Variants in EFHB observed in about 807,000 individuals in gnomAD.
EFHB encodes EF-hand domain-containing family member B.
A neutral mutation model predicts 87.2 loss-of-function variants in EFHB; 91 were observed. The observed-to-expected ratio is 1.04, with a 90% CI of 0.88 to 1.24. The LOEUF is 1.24. EFHB is among the 50% of genes most tolerant of loss of function. The pLI is 0.00. For synonymous variants in EFHB, 325 were observed against 333.6 expected (o/e 0.97, Z 0.28); for missense variants, 1,084 against 998.8 (o/e 1.09, Z -1.15).
intron 9 of EFHB, among the ~76,000 whole-genome samples, chr3:19,892,369 C>G (rs549184474): frequency 1.3e-5 from 2 of 152,336 alleles, no homozygotes; most frequent in African/African-American, 4.8e-5. Flanking sequence ...GCTGTTTGGT[C>G]ACTCAATGCA....
chr3:19,929,661 A>T (rs768734246), intron 1 of EFHB, among the ~76,000 whole-genome samples: 1 of 134,226 alleles, frequency 7.5e-6, no homozygotes, highest in Non-Finnish European at 1.5e-5. Flanking sequence ...GCGAGCCGAG[A>T]TGGTGCCACT....
chr3:19,935,863 A>G (rs542350385), upstream of EFHB, among the ~76,000 whole-genome samples: 6 of 152,102 alleles, frequency 3.9e-5, no homozygotes, highest in African/African-American at 1.4e-4. Context: ...TACAAAAATT[A>G]GCTGGGCCTG....
At chr3:19,934,941 C>A (rs970937494), upstream of EFHB, among the ~76,000 whole-genome samples, 4 of 151,430 alleles carry the variant, frequency 2.6e-5, no homozygotes, top group African/African-American at 9.7e-5. Context: ...GATGGAGTCT[C>A]CCTTTGTCGC....
At chr3:19,918,182 G>T in intron 4 of EFHB, 50 bp downstream of exon 4, 1 of 1,452,722 alleles carries the variant, frequency 6.9e-7, no homozygotes, top group Non-Finnish European at 9.2e-7. Context: ...ATTTTCCAAA[G>T]AGACTTATTT....
chr3:19,918,484 A>G (rs1695316567), intron 3 of EFHB, 72 bp from the exon 4 acceptor site: 2 of 1,361,974 alleles, frequency 1.5e-6, no homozygotes, highest in African/African-American at 3.0e-5. Context: ...ACCCTAATCA[A>G]TAGCTGGGGA....
chr3:19,923,253 G>GTT (rs1695501154), intron 1 of EFHB, among the ~76,000 whole-genome samples: 1 of 150,876 alleles, frequency 6.6e-6, no homozygotes, highest in Non-Finnish European at 1.5e-5. Context: ...GGCAAAAAGA[G>GTT]TGAAACTCTG....
At chr3:19,895,259 G>A (rs1406346932) in intron 9 of EFHB, among the ~76,000 whole-genome samples, 1 of 151,502 alleles carries the variant, frequency 6.6e-6, no homozygotes, top group African/African-American at 2.4e-5. Context: ...AGGCGGGTGG[G>A]TCACGAGGTC....
chr3:19,945,113 T>C (rs1429995808), intron 1 of EFHB, among the ~76,000 whole-genome samples: 1 of 152,142 alleles, frequency 6.6e-6, no homozygotes, highest in Non-Finnish European at 1.5e-5. Context: ...GAGCCAGCAG[T>C]TATGGGCAAT....
chr3:19,915,323 G>A lies in EFHB; in HGVS notation c.1268C>T (p.Ser423Phe), dbSNP rs1212605053. The change falls in exon 5 of 13, where the codon TCT (serine) becomes TTT (phenylalanine). Residue 423 changes from serine (S) to phenylalanine (F), a missense_variant. Transcript: ENST00000295824. ...CTTACCTGCATAATAATCATTGTGAGAAACAACATACAAATCATGTCCTTC... is the reference window on the plus strand; with the variant it reads ...CTTACCTGCATAATAATCATTGTGAAAAACAACATACAAATCATGTCCTTC... ...GNEGHDLYVV[S>F]HNDYYAGEAK... 3.1e-6 allele frequency: 5 copies of A among 1,612,206 alleles called. No individual in the cohort carries two copies. In the Admixed American group the frequency reaches 6.7e-5, roughly 22 times the overall value.
intron 6 of EFHB, 77 bp downstream of exon 6, chr3:19,905,543 A>G (rs1264018165): frequency 1.0e-5 from 15 of 1,473,192 alleles, no homozygotes; most frequent in East Asian, 2.3e-5. Flanking sequence ...TCTTCAAAAA[A>G]TAAAGTTTAA....
At chr3:19,914,010 C>T (rs1695144680) in intron 5 of EFHB, among the ~76,000 whole-genome samples, 1 of 152,204 alleles carries the variant, frequency 6.6e-6, no homozygotes, top group Non-Finnish European at 1.5e-5. Flanking sequence ...GTAGTGCAAT[C>T]GTGGCTCACT....
rs1264143408 is a variant in EFHB, at chr3:19,899,436, C to T, written c.1498G>A (p.Asp500Asn). The T allele has an allele frequency of 6.3e-7, 1 of 1,597,050 alleles. No homozygotes were observed. Among genetic ancestry groups the T allele is most frequent in the African/African-American group, 1.3e-5 (1 of 74,304 alleles). ...TGAAGTTAATCATTAACTTACGGAT[C>T]TAAAACTCTTCCAAGTTTATGTTGA... ...KFQHKLGRVL[D>N]PIAETMNVPP... The change falls in exon 7 of 13, where the codon GAT becomes AAT. Residue 500 changes from aspartate (D) to asparagine (N), a missense_variant. Physicochemically the swap from Asp to Asn is conservative, Grantham distance 23 (BLOSUM62 1). Transcript: ENST00000295824.
chr3:19,932,161 C>T (rs1390788398), intron 1 of EFHB, among the ~76,000 whole-genome samples: 1 of 152,204 alleles, frequency 6.6e-6, no homozygotes, highest in African/African-American at 2.4e-5. Context: ...AAAAACCTCT[C>T]AAAAGTGCAG....
upstream of EFHB, among the ~76,000 whole-genome samples, chr3:19,935,523 C>A (rs1305968337): frequency 6.6e-6 from 1 of 151,802 alleles, no homozygotes; most frequent in African/African-American, 2.4e-5. Flanking sequence ...ACCAGCCTGG[C>A]CAACATCGCG....
chr3:19,916,994 G>C (rs1010790305), intron 4 of EFHB, among the ~76,000 whole-genome samples: 1 of 152,012 alleles, frequency 6.6e-6, no homozygotes, highest in Non-Finnish European at 1.5e-5. Context: ...GGAACACTTA[G>C]AGAATACTTT....
At chr3:19,914,504 C>T (rs1280881951) in intron 5 of EFHB, among the ~76,000 whole-genome samples, 2 of 151,948 alleles carry the variant, frequency 1.3e-5, no homozygotes, top group African/African-American at 4.8e-5. Context: ...TAGTAATACG[C>T]TACTAGACAT....
At chr3:19,936,101 T>A (rs1242901163), upstream of EFHB, 15 of 1,322,616 alleles carry the variant, frequency 1.1e-5, no homozygotes, top group Middle Eastern at 2.2e-3. Context: ...CCAAAAATAT[T>A]TTTTTAAAAG....
intron 10 of EFHB, among the ~76,000 whole-genome samples, chr3:19,885,325 A>C (rs1694063501): frequency 1.3e-5 from 2 of 152,200 alleles, no homozygotes; most frequent in South Asian, 4.1e-4. Flanking sequence ...TTGTAGTGGA[A>C]AATTCCACAT....
At chr3:19,912,782 A>T (rs1395894290) in intron 5 of EFHB, among the ~76,000 whole-genome samples, 1 of 152,220 alleles carries the variant, frequency 6.6e-6, no homozygotes, top group Non-Finnish European at 1.5e-5. Context: ...TTATGCAAAT[A>T]GTGTTAAGTT....
Sources: gnomAD v4.1 joint callset for allele counts (sites outside exome capture counted in the v4.1 genomes callset) on GRCh38, gnomAD v4.1.1 for gene constraint, MANE v1.5 for transcripts, NCBI Gene and HGNC (gene_info 2026-07-23, HGNC 2026-07-21) for gene names.